The following AFG2A variants were observed in gnomAD, a reference collection of about 807,000 sequenced individuals.
AFG2A encodes ATPase family gene 2 protein homolog A.
the AFG2A span, among the ~76,000 whole-genome samples, chr4:123,017,878 G>C: frequency 6.6e-6 from 1 of 152,160 alleles, no homozygotes; most frequent in African/African-American, 2.4e-5. Flanking sequence ...CACCCAGCAA[G>C]CAAGAGGATC....
the AFG2A span, chr4:122,938,371 C>G: frequency 1.8e-6 from 2 of 1,107,510 alleles, no homozygotes; most frequent in Admixed American, 3.1e-5. Context: ...AAATATTAGC[C>G]ATAGCAACTA....
At chr4:123,014,406 C>T in the AFG2A span, among the ~76,000 whole-genome samples, 1 of 151,168 alleles carries the variant, frequency 6.6e-6, no homozygotes, top group African/African-American at 2.4e-5. Context: ...AGTTTTTTTT[C>T]TTATACTTGT....
the AFG2A span, among the ~76,000 whole-genome samples, chr4:123,007,604 G>GTA: frequency 3.2e-4 from 4 of 12,498 alleles, no homozygotes; most frequent in African/African-American, 1.6e-3. Context: ...GTGTGTGTGT[G>GTA]TGTGTATATA....
the AFG2A span, among the ~76,000 whole-genome samples, chr4:122,988,811 C>G: frequency 6.6e-6 from 1 of 152,082 alleles, no homozygotes; most frequent in African/African-American, 2.4e-5. Context: ...TTTTTTCACT[C>G]TTCATTCTTT....
chr4:123,236,344 G>A, the AFG2A span, among the ~76,000 whole-genome samples: 1 of 152,042 alleles, frequency 6.6e-6, no homozygotes, highest in Admixed American at 6.6e-5. Flanking sequence ...CATTTTCTAG[G>A]TTTGGCTTCA....
chr4:123,290,905 C>T, the AFG2A span, among the ~76,000 whole-genome samples: 1 of 152,054 alleles, frequency 6.6e-6, no homozygotes. Flanking sequence ...TTTAAGTCTC[C>T]CACTATTATT....
the AFG2A span, among the ~76,000 whole-genome samples, chr4:123,147,616 A>C: frequency 6.6e-6 from 1 of 152,200 alleles, no homozygotes; most frequent in Non-Finnish European, 1.5e-5. Context: ...ATTTGTATGA[A>C]CAAGGTTTCT....
chr4:123,177,947 A>G, the AFG2A span, among the ~76,000 whole-genome samples: 1 of 152,332 alleles, frequency 6.6e-6, no homozygotes, highest in African/African-American at 2.4e-5. Context: ...GTTATGTTTT[A>G]AAACATTATT....
the AFG2A span, among the ~76,000 whole-genome samples, chr4:123,022,359 C>T: frequency 6.6e-6 from 1 of 152,242 alleles, no homozygotes. Context: ...ACAACCCCAT[C>T]AAAAAGTGGG....
At chr4:123,254,257 G>A in the AFG2A span, among the ~76,000 whole-genome samples, 83,543 of 151,900 alleles carry the variant, frequency 0.55, 25,811 homozygotes, top group Non-Finnish European at 0.67. Context: ...TAGAAGTTTT[G>A]TAGTTTTAGC....
the AFG2A span, among the ~76,000 whole-genome samples, chr4:123,229,107 A>G: frequency 6.6e-6 from 1 of 152,146 alleles, no homozygotes; most frequent in East Asian, 1.9e-4. Flanking sequence ...TTTCTGGCAT[A>G]TAACATTTAT....
At chr4:123,175,346 G>A in the AFG2A span, among the ~76,000 whole-genome samples, 2 of 152,042 alleles carry the variant, frequency 1.3e-5, no homozygotes, top group Non-Finnish European at 2.9e-5. Context: ...GTTGTTACTA[G>A]ACAATTCATG....
chr4:123,137,051 C>G, the AFG2A span, among the ~76,000 whole-genome samples: 1 of 152,120 alleles, frequency 6.6e-6, no homozygotes, highest in Admixed American at 6.5e-5. Flanking sequence ...AAGGAGCACA[C>G]AACGTAGATA....
At chr4:123,299,117 ATGTGTGTGTGTGTGTGTG>A in the AFG2A span, among the ~76,000 whole-genome samples, 2 of 147,120 alleles carry the variant, frequency 1.4e-5, no homozygotes, top group African/African-American at 5.0e-5. Flanking sequence ...GCATCTGCCA[ATGTGTGTGTGTGTGTGTG>A]TGTGTGTGTG....
the AFG2A span, among the ~76,000 whole-genome samples, chr4:122,994,677 G>T: frequency 1.3e-5 from 2 of 151,406 alleles, no homozygotes; most frequent in Admixed American, 1.3e-4. Context: ...TAAACCATTA[G>T]AGAGGTAGTA....
At chr4:122,946,372 T>G in the AFG2A span, among the ~76,000 whole-genome samples, 1 of 152,192 alleles carries the variant, frequency 6.6e-6, no homozygotes, top group Non-Finnish European at 1.5e-5. Flanking sequence ...GGGCAAGGAA[T>G]GGAAACATGT....
At chr4:123,061,471 C>T in the AFG2A span, among the ~76,000 whole-genome samples, 2 of 152,202 alleles carry the variant, frequency 1.3e-5, no homozygotes, top group African/African-American at 2.4e-5. Flanking sequence ...GCATGTCTTA[C>T]GTGGTGGCAG....
chr4:122,951,631 C>T, the AFG2A span, among the ~76,000 whole-genome samples: 515 of 152,298 alleles, frequency 3.4e-3, 2 homozygotes, highest in African/African-American at 0.012. Context: ...CCTGTGAGTA[C>T]ACAGGACTGC....
the AFG2A span, among the ~76,000 whole-genome samples, chr4:123,238,087 T>C: frequency 6.6e-6 from 1 of 152,128 alleles, no homozygotes; most frequent in Middle Eastern, 3.2e-3. Flanking sequence ...GTGCAGCAGT[T>C]TGAGATCGAC....
Sources: allele counts gnomAD v4.1 joint callset (sites outside exome capture counted in the v4.1 genomes callset), GRCh38; gene constraint gnomAD v4.1.1; transcripts MANE v1.5; gene names NCBI Gene and HGNC (gene_info 2026-07-23, HGNC 2026-07-21).